Variants in RCAN2 observed in about 807,000 individuals in gnomAD.
The protein encoded by RCAN2 is calcipressin-2.
A neutral mutation model predicts 23.6 loss-of-function variants in RCAN2; 9 were observed. The ratio of observed to expected loss-of-function variants is 0.38; its 90% CI spans 0.23 to 0.67. The LOEUF (loss-of-function observed/expected upper bound fraction) is 0.67, where lower values mean the gene tolerates loss of function less well. RCAN2 is among the 30% of genes least tolerant of loss of function. The pLI, the probability that RCAN2 is intolerant of heterozygous loss-of-function variation, is 0.51. For missense variants in RCAN2, 273 were observed against 302.3 expected (o/e 0.90, Z 0.72); for synonymous variants, 109 against 115.7 (o/e 0.94, Z 0.37).
intron 2 of RCAN2, among the ~76,000 whole-genome samples, chr6:46,421,404 G>T (rs575040208): frequency 6.6e-6 from 1 of 152,110 alleles, no homozygotes; most frequent in African/African-American, 2.4e-5. Flanking sequence ...AGACAAAAAC[G>T]CCAAAAGGAT....
chr6:46,294,271 ATTAT>A (rs1448606167), intron 2 of RCAN2, among the ~76,000 whole-genome samples: 1 of 152,228 alleles, frequency 6.6e-6, no homozygotes, highest in Non-Finnish European at 1.5e-5. Flanking sequence ...TAGAAATTTA[ATTAT>A]TCATTTATTG....
At chr6:46,482,361 T>C (rs1041046232) in intron 1 of RCAN2, among the ~76,000 whole-genome samples, 3 of 152,256 alleles carry the variant, frequency 2.0e-5, no homozygotes, top group South Asian at 4.1e-4. Flanking sequence ...CTAGGATCAT[T>C]GAGAGAGGTG....
At chr6:46,426,202 T>A (rs564337416) in intron 2 of RCAN2, among the ~76,000 whole-genome samples, 1 of 152,316 alleles carries the variant, frequency 6.6e-6, no homozygotes, top group African/African-American at 2.4e-5. Flanking sequence ...CCCAGCTGAC[T>A]GATTACTTCT....
At chr6:46,464,958 T>A (rs1404842271) in intron 1 of RCAN2, among the ~76,000 whole-genome samples, 1 of 151,538 alleles carries the variant, frequency 6.6e-6, no homozygotes, top group Non-Finnish European at 1.5e-5. Context: ...CCTTTTGCAC[T>A]GGATGTGTAC....
chr6:46,446,164 GA>G (rs1253920370), intron 2 of RCAN2, among the ~76,000 whole-genome samples: 4,726 of 121,092 alleles, frequency 0.039, 223 homozygotes, highest in African/African-American at 0.13. Context: ...CTAAAAGCAA[GA>G]AAAAAAAAAA....
At chr6:46,409,460 A>G (rs1187380501) in intron 2 of RCAN2, among the ~76,000 whole-genome samples, 1 of 152,220 alleles carries the variant, frequency 6.6e-6, no homozygotes, top group African/African-American at 2.4e-5. Flanking sequence ...TTTCTAATAC[A>G]CAAACTATAT....
At chr6:46,349,157 C>CA (rs1357197953) in intron 2 of RCAN2, among the ~76,000 whole-genome samples, 1 of 152,084 alleles carries the variant, frequency 6.6e-6, no homozygotes, top group African/African-American at 2.4e-5. Context: ...TTTTATTGTG[C>CA]ATTTACTAGG....
intron 2 of RCAN2, among the ~76,000 whole-genome samples, chr6:46,381,053 C>T (rs1765604391): frequency 6.6e-6 from 1 of 152,088 alleles, no homozygotes; most frequent in Non-Finnish European, 1.5e-5. Flanking sequence ...CTCTGGGAGA[C>T]CCAGAGTCAT....
At chr6:46,242,653 C>G (rs1183658778) in intron 4 of RCAN2, among the ~76,000 whole-genome samples, 1 of 152,126 alleles carries the variant, frequency 6.6e-6, no homozygotes, top group Non-Finnish European at 1.5e-5. Context: ...CTTTAACATG[C>G]AATTAGTTAT....
intron 2 of RCAN2, among the ~76,000 whole-genome samples, chr6:46,348,389 C>T (rs1173545338): frequency 2.0e-5 from 3 of 152,262 alleles, no homozygotes; most frequent in African/African-American, 4.8e-5. Flanking sequence ...GTCTGTGGTA[C>T]TGAAAACATC....
At chr6:46,327,693 A>G (rs2150365238) in intron 2 of RCAN2, among the ~76,000 whole-genome samples, 1 of 152,372 alleles carries the variant, frequency 6.6e-6, no homozygotes, top group Non-Finnish European at 1.5e-5. Context: ...TTTATTTTTT[A>G]CATTTCACAG....
At chr6:46,267,938 T>A (rs1484403481) in intron 2 of RCAN2, among the ~76,000 whole-genome samples, 2 of 151,382 alleles carry the variant, frequency 1.3e-5, no homozygotes, top group Non-Finnish European at 2.9e-5. Flanking sequence ...TACTTAAGAA[T>A]AAAATCATGG....
chr6:46,388,515 A>G (rs762851277), intron 2 of RCAN2, among the ~76,000 whole-genome samples: 1 of 152,178 alleles, frequency 6.6e-6, no homozygotes, highest in Non-Finnish European at 1.5e-5. Flanking sequence ...TTATTGCTGC[A>G]CTATTTACAA....
chr6:46,243,238 T>C (rs962864480), intron 4 of RCAN2, among the ~76,000 whole-genome samples: 2 of 152,148 alleles, frequency 1.3e-5, no homozygotes, highest in African/African-American at 4.8e-5. Flanking sequence ...ACGCAAATCA[T>C]GCATGTGTGT....
chr6:46,226,218 G>A (rs371684046), intron 4 of RCAN2, among the ~76,000 whole-genome samples: 27 of 152,258 alleles, frequency 1.8e-4, no homozygotes, highest in South Asian at 6.2e-4. Flanking sequence ...GTCAGGTAGC[G>A]TGATGCCTCC....
chr6:46,345,916 G>T (rs1237615891), intron 2 of RCAN2, among the ~76,000 whole-genome samples: 2 of 151,982 alleles, frequency 1.3e-5, no homozygotes, highest in Non-Finnish European at 2.9e-5. Flanking sequence ...TAAAGTAAAT[G>T]AACAAATATT....
intron 2 of RCAN2, among the ~76,000 whole-genome samples, chr6:46,441,365 G>A (rs183091181): frequency 3.9e-5 from 6 of 152,298 alleles, no homozygotes; most frequent in African/African-American, 1.4e-4. Flanking sequence ...ATCATGTCTA[G>A]AGAGCTGTAT....
intron 2 of RCAN2, among the ~76,000 whole-genome samples, chr6:46,419,210 G>T (rs928387763): frequency 2.0e-5 from 3 of 152,114 alleles, no homozygotes; most frequent in African/African-American, 7.2e-5. Context: ...TTTACACCAT[G>T]GAAGTCAGCA....
intron 4 of RCAN2, among the ~76,000 whole-genome samples, chr6:46,227,770 G>C (rs768041095): frequency 6.6e-6 from 1 of 151,972 alleles, no homozygotes; most frequent in Non-Finnish European, 1.5e-5. Context: ...GGGTTTTTTT[G>C]TGTCCCTATC....
Sources: allele counts gnomAD v4.1 joint callset (sites outside exome capture counted in the v4.1 genomes callset), GRCh38; gene constraint gnomAD v4.1.1; transcripts MANE v1.5; gene names NCBI Gene and HGNC (gene_info 2026-07-23, HGNC 2026-07-21).